The following SCAF8 variants were observed in gnomAD, a reference collection of about 807,000 sequenced individuals.
SCAF8 encodes the protein SR-related CTD associated factor 8.
A neutral mutation model predicts 140.5 loss-of-function variants in SCAF8; 23 were observed. The observed-to-expected ratio is 0.16, with a 90% CI of 0.12 to 0.23. SCAF8 has a LOEUF of 0.23. Among genes scored for constraint, SCAF8 ranks in the 10% least tolerant of loss-of-function variants. SCAF8 has a pLI of 1.00. For missense variants in SCAF8, 1,397 were observed against 1,555.7 expected (o/e 0.90, Z 1.72); for synonymous variants, 575 against 528.9 (o/e 1.09, Z -1.20).
At chr6:154,744,305 G>A (rs1335812550) in intron 1 of SCAF8, among the ~76,000 whole-genome samples, 2 of 151,982 alleles carry the variant, frequency 1.3e-5, no homozygotes, top group Non-Finnish European at 2.9e-5. Context: ...GTGGGTGGGG[G>A]TTGGTGAGGG....
chr6:154,767,828 C>T (rs1412428421), intron 1 of SCAF8, among the ~76,000 whole-genome samples: 1 of 152,104 alleles, frequency 6.6e-6, no homozygotes, highest in East Asian at 1.9e-4. Flanking sequence ...CATGAGCCAC[C>T]ATGCCTGACC....
Position 154,756,017 on chromosome 6 carries a change from A to G in SCAF8, c.31-17972A>G, listed in dbSNP as rs187261785. On this transcript the variant is annotated intron_variant, in intron 1 of 19. Coordinates refer to ENST00000367178, the MANE Select transcript of SCAF8 (RefSeq NM_014892.5). ...TCTTTTCCCAGTCTATTTCACTTAC[A>G]TTTTCTTATTAAACTTTATGCTTGT... Among the ~76,000 whole-genome samples the G allele has an allele frequency of 5.1e-3, 771 of 152,260 alleles. 11 individuals carry two copies. The highest frequency in any genetic ancestry group is 0.048 in the Middle Eastern group (14 of 294).
At chr6:154,760,651 T>C (rs576908003) in intron 1 of SCAF8, among the ~76,000 whole-genome samples, 1 of 152,362 alleles carries the variant, frequency 6.6e-6, no homozygotes, top group East Asian at 1.9e-4. Context: ...CTAGTGCTAA[T>C]GAATATATTT....
chr6:154,755,378 C>T (rs777374745), intron 1 of SCAF8, among the ~76,000 whole-genome samples: 16 of 152,010 alleles, frequency 1.1e-4, no homozygotes, highest in African/African-American at 3.9e-4. Flanking sequence ...CTCAGCCTCC[C>T]GAGTAGCTAG....
chr6:154,746,141 C>T (rs1402932530), intron 1 of SCAF8, among the ~76,000 whole-genome samples: 1 of 152,206 alleles, frequency 6.6e-6, no homozygotes, highest in Non-Finnish European at 1.5e-5. Flanking sequence ...CTGCCTTGGC[C>T]TCCCAAAGTG....
Position 154,739,454 on chromosome 6 carries a change from T to C in SCAF8, c.30+5524T>C, listed in dbSNP as rs545339555. On this transcript the variant is annotated intron_variant, in intron 1 of 19. Coordinates refer to ENST00000367178, the MANE Select transcript of SCAF8 (RefSeq NM_014892.5). ...CCTTTGTATAGCTAGTGTATTACAA[T>C]GTAGCCTTTCCCCCATGATCTATTT... is the stretch of plus-strand genomic sequence containing the variant. 2.9e-4 allele frequency among the ~76,000 whole-genome samples: 44 copies of C among 152,324 alleles called. No individual in the cohort carries two copies. The South Asian group carries it at 9.1e-3, about 32-fold the overall frequency.
At chr6:154,786,280 G>C (rs1033757328) in intron 3 of SCAF8, among the ~76,000 whole-genome samples, 1 of 152,158 alleles carries the variant, frequency 6.6e-6, no homozygotes, top group African/African-American at 2.4e-5. Flanking sequence ...TTCTTGGGTG[G>C]GATCGCAGAA....
intron 14 of SCAF8, among the ~76,000 whole-genome samples, chr6:154,819,582 C>A (rs1193817898): frequency 1.3e-5 from 2 of 151,902 alleles, no homozygotes; most frequent in Non-Finnish European, 2.9e-5. Flanking sequence ...CAGAGTGAGA[C>A]CCTGTCTCAA....
At chr6:154,815,341 G>A (rs1778216534) in intron 12 of SCAF8, among the ~76,000 whole-genome samples, 1 of 152,144 alleles carries the variant, frequency 6.6e-6, no homozygotes, top group Non-Finnish European at 1.5e-5. Context: ...TGGGATTACG[G>A]TGAGAAGTGG....
chr6:154,827,662 T>C (rs1778603217), intron 18 of SCAF8, among the ~76,000 whole-genome samples: 1 of 152,214 alleles, frequency 6.6e-6, no homozygotes, highest in Admixed American at 6.5e-5. Flanking sequence ...TTACTGTCTT[T>C]GCATTTCCTG....
intron 5 of SCAF8, 90 bp downstream of exon 5, chr6:154,793,066 G>A: frequency 9.8e-7 from 1 of 1,025,060 alleles, no homozygotes; most frequent in Non-Finnish European, 1.3e-6. Flanking sequence ...CGACAGTGCA[G>A]GAAAATTTGT....
chr6:154,760,865 C>T (rs1776365519), intron 1 of SCAF8, among the ~76,000 whole-genome samples: 1 of 152,156 alleles, frequency 6.6e-6, no homozygotes, highest in Non-Finnish European at 1.5e-5. Context: ...CTCACTGCAT[C>T]CTTGGACTCT....
At position 154,765,632 on chromosome 6, in the gene SCAF8, C is replaced by T. The variant is rs187607583; in HGVS notation, c.31-8357C>T. ...GAAAGAAGCAGGAAACTTGTTAAGT[C>T]ACATATCTTTGATAAAAAGTAAGCA... On this transcript the variant is annotated intron_variant, in intron 1 of 19. Coordinates refer to ENST00000367178, the MANE Select transcript of SCAF8 (RefSeq NM_014892.5). Among the ~76,000 whole-genome samples, 48 of 152,228 alleles carry T rather than the reference C, an allele frequency of 3.2e-4. No individual in the cohort carries two copies. In the East Asian group the frequency reaches 6.9e-3, roughly 22 times the overall value.
intron 12 of SCAF8, among the ~76,000 whole-genome samples, chr6:154,813,078 A>G (rs1232567817): frequency 2.6e-5 from 4 of 151,408 alleles, no homozygotes; most frequent in Non-Finnish European, 5.9e-5. Flanking sequence ...GGTGGTTCAC[A>G]CTTCTGTAGT....
chr6:154,818,786 A>G (rs981505545), intron 14 of SCAF8, among the ~76,000 whole-genome samples, 194 bp downstream of exon 14: 2 of 152,180 alleles, frequency 1.3e-5, no homozygotes, highest in African/African-American at 2.4e-5. Context: ...TCGTTGAGTT[A>G]TAGAATTAGA....
chr6:154,832,767 C>A lies in SCAF8; in HGVS notation c.3188C>A (p.Pro1063His), dbSNP rs749496902. Residue 1063 changes from proline to histidine, a missense_variant, in exon 20 of 20, where the codon CCT (proline) becomes CAT (histidine). Pro to His is a moderately conservative substitution (Grantham distance 77). This residue lies in a region of SCAF8 where 930 missense variants were observed against 874.6 expected (regional missense o/e 1.06). Transcript: ENST00000367178. ...GATGGTAGGGATCATTTTGGAAGAC[C>A]TCCTGTAGATATAAGAGAGAATCTT... ...PLDGRDHFGR[P>H]PVDIRENLVR... 1.2e-6 allele frequency: 2 copies of A among 1,613,786 alleles called. No individual in the cohort carries two copies. The highest frequency in any genetic ancestry group is 1.7e-6 in the Non-Finnish European group (2 of 1,179,956).
chr6:154,825,815 A>G (rs1262686812), intron 17 of SCAF8, among the ~76,000 whole-genome samples: 2 of 152,054 alleles, frequency 1.3e-5, no homozygotes, highest in African/African-American at 2.4e-5. Context: ...CGCACAGCCT[A>G]AAAGCCCCAT....
At chr6:154,830,849 T>C (rs1350632312) in intron 18 of SCAF8, 73 bp from the exon 19 acceptor site, 1 of 1,121,152 alleles carries the variant, frequency 8.9e-7, no homozygotes, top group Non-Finnish European at 1.3e-6. Flanking sequence ...AATTAAATAC[T>C]CAGACTGCCA....
intron 3 of SCAF8, 140 bp from the exon 4 acceptor site, chr6:154,787,721 T>G (rs1777294091): frequency 3.2e-6 from 2 of 628,916 alleles, no homozygotes; most frequent in African/African-American, 3.7e-5. Context: ...CTGATGATAT[T>G]GGAGTAGTCA....
Sources: allele counts gnomAD v4.1 joint callset (sites outside exome capture counted in the v4.1 genomes callset), GRCh38; gene constraint gnomAD v4.1.1; regional missense constraint gnomAD v4.1.1; transcripts MANE v1.5; gene names NCBI Gene and HGNC (gene_info 2026-07-23, HGNC 2026-07-21).